The following MCPH1 variants were observed in gnomAD, a reference collection of about 807,000 sequenced individuals.
MCPH1 encodes microcephalin 1.
Under a neutral mutation model 84.5 loss-of-function variants are expected in MCPH1, and 104 were observed. The ratio of observed to expected loss-of-function variants is 1.23; its 90% confidence interval spans 1.05 to 1.45. The LOEUF (loss-of-function observed/expected upper bound fraction) is 1.45. Ranked by LOEUF, MCPH1 falls within the 40% of genes most tolerant of loss-of-function variation. MCPH1 has a pLI of 0.00. For missense variants in MCPH1, 1,498 were observed against 1,005.7 expected (o/e 1.49, Z -6.62); for synonymous variants, 514 against 366.8 (o/e 1.40, Z -4.58).
chr8:6,598,266 T>C (rs2442571), intron 12 of MCPH1, among the ~76,000 whole-genome samples: 107,261 of 152,044 alleles, frequency 0.71, 39,055 homozygotes, highest in Non-Finnish European at 0.8. Context: ...AGAGGGTCTG[T>C]AGAGCAAGTT....
chr8:6,626,114 T>C lies in MCPH1; in HGVS notation c.2452+4423T>C, dbSNP rs150484986. On this transcript the variant is annotated intron_variant, in intron 13 of 13. Coordinates refer to ENST00000344683, the MANE Select transcript of MCPH1 (RefSeq NM_024596.5). The stretch of plus-strand genomic sequence containing the variant: ...AACTCCATATCTATGACGATAAAAA[T>C]TGTTAGTGATTATTTTACTTGTAAG... 57 of 985,298 alleles carry C rather than the reference T, an allele frequency of 5.8e-5. No individual in the cohort carries two copies. In the East Asian group the frequency reaches 4.0e-3, roughly 69 times the overall value. 61.0% of individuals were successfully genotyped at this position (985,298 alleles called of 1,614,324 possible). A position where few individuals can be genotyped will look rare whatever the true frequency, so the allele number is the denominator to read the frequency against.
chr8:6,632,462 C>T (rs575995071), intron 13 of MCPH1, among the ~76,000 whole-genome samples: 168 of 152,198 alleles, frequency 1.1e-3, no homozygotes, highest in African/African-American at 3.9e-3. Flanking sequence ...TTTTACAAGG[C>T]TACATTGATC....
rs145451529 is a variant in MCPH1, at chr8:6,519,920, G to A, written c.2214+19991G>A. The A allele has an allele frequency of 9.4e-5, 152 of 1,613,490 alleles. No homozygotes were observed. Among genetic ancestry groups the A allele is most frequent in the Non-Finnish European group, 1.2e-4 (146 of 1,179,784 alleles). ...AACGTGTAGATGCCATTCGTGGTGT[G>A]TCCTGATTTGAATACTTCAGCACAG... On this transcript the variant is annotated intron_variant, in intron 12 of 13. Coordinates refer to ENST00000344683, the MANE Select transcript of MCPH1 (RefSeq NM_024596.5).
intron 12 of MCPH1, among the ~76,000 whole-genome samples, chr8:6,505,238 GAATATATA>G (rs1563305067): frequency 0.03 from 150 of 4,922 alleles, 30 homozygotes; most frequent in African/African-American, 0.077. Context: ...TGTATATATA[GAATATATA>G]TTCTTTATAT....
At chr8:6,598,595 A>G (rs548776304) in intron 12 of MCPH1, among the ~76,000 whole-genome samples, 2 of 152,228 alleles carry the variant, frequency 1.3e-5, no homozygotes, top group Admixed American at 6.5e-5. Flanking sequence ...CGAACACCCA[A>G]GGCTTTCCAA....
At chr8:6,498,528 G>C (rs1975617) in intron 11 of MCPH1, among the ~76,000 whole-genome samples, 11 of 152,128 alleles carry the variant, frequency 7.2e-5, no homozygotes, top group Admixed American at 3.9e-4. Context: ...TTAACATTTA[G>C]AAACGGCTAA....
intron 13 of MCPH1, chr8:6,624,934 G>A: frequency 1.2e-6 from 1 of 864,368 alleles, no homozygotes; most frequent in Non-Finnish European, 1.4e-6. Context: ...AGTGTGCAGT[G>A]ATGAGATCTC....
intron 12 of MCPH1, among the ~76,000 whole-genome samples, chr8:6,539,029 T>TTGTG (rs34625219): frequency 1.3e-5 from 2 of 151,400 alleles, no homozygotes; most frequent in East Asian, 2.0e-4. Context: ...AGAGTTGGGC[T>TTGTG]TGTGTGTGTG....
chr8:6,506,480 T>G (rs1384439133), intron 12 of MCPH1, among the ~76,000 whole-genome samples: 1 of 152,172 alleles, frequency 6.6e-6, no homozygotes, highest in Non-Finnish European at 1.5e-5. Flanking sequence ...CCTACTCTCC[T>G]GAGAAGCTCA....
At chr8:6,476,193 C>T (rs1391342335) in intron 9 of MCPH1, among the ~76,000 whole-genome samples, 1 of 151,968 alleles carries the variant, frequency 6.6e-6, no homozygotes, top group Non-Finnish European at 1.5e-5. Flanking sequence ...CTTTGGGAGG[C>T]CGAGGTGGGT....
At chr8:6,557,223 G>A (rs1350675325) in intron 12 of MCPH1, among the ~76,000 whole-genome samples, 2 of 152,082 alleles carry the variant, frequency 1.3e-5, no homozygotes, top group East Asian at 1.9e-4. Flanking sequence ...TTACCGCTGG[G>A]CAATCCATAC....
intron 12 of MCPH1, among the ~76,000 whole-genome samples, chr8:6,576,194 G>A (rs192480661): frequency 1.3e-5 from 2 of 152,258 alleles, no homozygotes; most frequent in East Asian, 3.9e-4. Context: ...AGCTCCTGGT[G>A]ATAGCTATGC....
Position 6,525,373 on chromosome 8 carries a change from G to C in MCPH1, c.2214+25444G>C, listed in dbSNP as rs117370440. Among the ~76,000 whole-genome samples the C allele has an allele frequency of 1.3e-4, 20 of 152,236 alleles. No homozygotes were observed. In the East Asian group the frequency reaches 3.9e-3, roughly 29 times the overall value. On this transcript the variant is annotated intron_variant, in intron 12 of 13. Transcript: ENST00000344683. ...GCCATCCAAATAGGAGGGATTACAG[G>C]TGTGTGCCACCACATCTGGCTAATT...
At chr8:6,581,718 G>A (rs1357863518) in intron 12 of MCPH1, among the ~76,000 whole-genome samples, 1 of 152,136 alleles carries the variant, frequency 6.6e-6, no homozygotes, top group Non-Finnish European at 1.5e-5. Flanking sequence ...ATCTTAATGT[G>A]TTCAGGCTGC....
At chr8:6,479,522 C>T (rs904620639) in intron 10 of MCPH1, among the ~76,000 whole-genome samples, 2 of 151,840 alleles carry the variant, frequency 1.3e-5, no homozygotes, top group Admixed American at 6.6e-5. Context: ...GCAAGCTCCA[C>T]CTCCCGGGTT....
intron 13 of MCPH1, among the ~76,000 whole-genome samples, chr8:6,628,611 G>A (rs1226625854): frequency 1.3e-5 from 2 of 152,076 alleles, no homozygotes; most frequent in African/African-American, 2.4e-5. Context: ...GTGGTGGTTG[G>A]TTTGAGAAGT....
At chr8:6,618,172 G>C (rs145066520) in intron 12 of MCPH1, among the ~76,000 whole-genome samples, 2 of 152,234 alleles carry the variant, frequency 1.3e-5, no homozygotes, top group Non-Finnish European at 2.9e-5. Flanking sequence ...GAATTTGTGC[G>C]TTTGAGGCTT....
chr8:6,469,071 C>T (rs898180893), intron 9 of MCPH1, among the ~76,000 whole-genome samples: 10 of 152,008 alleles, frequency 6.6e-5, no homozygotes, highest in Non-Finnish European at 1.2e-4. Context: ...ATGGTGGCCA[C>T]CTGTGGTCCA....
intron 11 of MCPH1, among the ~76,000 whole-genome samples, chr8:6,489,900 T>G (rs1006869496): frequency 1.3e-5 from 2 of 152,236 alleles, no homozygotes; most frequent in Admixed American, 6.5e-5. Flanking sequence ...GTTGCTGTAT[T>G]TGGCAAATAC....
Sources: allele counts gnomAD v4.1 joint callset (sites outside exome capture counted in the v4.1 genomes callset), GRCh38; gene constraint gnomAD v4.1.1; transcripts MANE v1.5; gene names NCBI Gene and HGNC (gene_info 2026-07-23, HGNC 2026-07-21).